CPNE1: variants seen among roughly 807,000 people sequenced by gnomAD.
CPNE1 encodes copine 1.
CPNE1 carries 58 observed loss-of-function variants against 63.2 expected under a neutral mutation model. The ratio of observed to expected loss-of-function variants is 0.92; its 90% confidence interval spans 0.74 to 1.14. The LOEUF (loss-of-function observed/expected upper bound fraction) is 1.14, where lower values mean the gene tolerates loss of function less well. Among genes scored for constraint, CPNE1 ranks in the 50% most tolerant of loss-of-function variants. CPNE1 has a pLI of 0.00. For missense variants in CPNE1, 672 were observed against 661.7 expected (o/e 1.02, Z -0.17); for synonymous variants, 237 against 249.0 (o/e 0.95, Z 0.45).
At position 35,630,474 on chromosome 20, in the gene CPNE1, G is replaced by A. The variant is rs1206138268; in HGVS notation, c.1067C>T (p.Ala356Val). The A allele has an allele frequency of 6.2e-7, 1 of 1,614,122 alleles. No homozygotes were observed. Among genetic ancestry groups the A allele is most frequent in the Admixed American group, 1.7e-5 (1 of 60,018 alleles). The change falls in exon 13 of 16, where the codon GCC becomes GTC. Residue 356 changes from alanine (A) to valine (V), a missense_variant. Physicochemically the swap from Ala to Val is moderately conservative, Grantham distance 64. Coordinates refer to ENST00000397443, the MANE Select transcript of CPNE1 (RefSeq NM_152925.3). ...GGGGTTACTGGGGTTGAAATTCAAG[G>A]CAAATTCATGCGAGACCTGGAGACA... is the stretch of plus-strand genomic sequence containing the variant. ...PPDWQVSHEFALNFNPSNPYC... is the reference protein window; with the variant it reads ...PPDWQVSHEFVLNFNPSNPYC...
At chr20:35,652,422 G>C in intron 1 of CPNE1, 1 of 1,369,652 alleles carries the variant, frequency 7.3e-7, no homozygotes, top group Non-Finnish European at 9.9e-7. Context: ...ATATGCAATT[G>C]AAACAATCCA....
chr20:35,646,795 T>A (rs1170293890), intron 1 of CPNE1, among the ~76,000 whole-genome samples: 1 of 152,172 alleles, frequency 6.6e-6, no homozygotes, highest in East Asian at 1.9e-4. Flanking sequence ...CTGAATTATG[T>A]TCTCTTGCTG....
intron 1 of CPNE1, among the ~76,000 whole-genome samples, chr20:35,638,803 AT>A (rs1868749268): frequency 2.0e-5 from 3 of 152,262 alleles, no homozygotes; most frequent in South Asian, 2.1e-4. Context: ...CAACAAAAAA[AT>A]CTATTAGTAT....
At chr20:35,648,115 T>C (rs1007271461) in intron 1 of CPNE1, among the ~76,000 whole-genome samples, 2 of 151,932 alleles carry the variant, frequency 1.3e-5, no homozygotes, top group African/African-American at 4.8e-5. Flanking sequence ...AACTTGCTTA[T>C]GTTGTTGAAT....
chr20:35,631,603 TAAAC>T (rs774096074), intron 7 of CPNE1, 25 bp from the exon 8 acceptor site: 22 of 1,611,082 alleles, frequency 1.4e-5, no homozygotes, highest in Non-Finnish European at 1.6e-5. Flanking sequence ...TGTGTGGACA[TAAAC>T]AAGCCAGGTG....
rs548473075 is a variant in CPNE1, at chr20:35,635,669, G to A, written c.1-2746C>T. On this transcript the variant is annotated intron_variant, in intron 1 of 15. Transcript: ENST00000397443. ...ACCACTCCACCAGCAGTGCACACGA[G>A]GTCAGATCTTTCACTGAGCTTCACT... Among the ~76,000 whole-genome samples the A allele has an allele frequency of 3.9e-5, 6 of 152,244 alleles. No individual in the cohort carries two copies. The South Asian group carries it at 1.2e-3, about 32-fold the overall frequency.
chr20:35,650,012 G>A (rs17426738), intron 1 of CPNE1: 6,399 of 152,702 alleles, frequency 0.042, 214 homozygotes, highest in South Asian at 0.18. Context: ...TTCGCAGGAA[G>A]AGAGGTATGA....
At chr20:35,657,407 C>A (rs1055007919) in intron 1 of CPNE1, among the ~76,000 whole-genome samples, 1 of 152,144 alleles carries the variant, frequency 6.6e-6, no homozygotes, top group Non-Finnish European at 1.5e-5. Flanking sequence ...CTTCAAAAAA[C>A]GGTTAATCAC....
chr20:35,650,124 T>C (rs1296645694), intron 1 of CPNE1: 1 of 152,580 alleles, frequency 6.6e-6, no homozygotes, highest in Non-Finnish European at 1.5e-5. Context: ...TGTTAATAAA[T>C]CTCAGATACA....
At position 35,631,933 on chromosome 20, in the gene CPNE1, G is replaced by A. The variant is rs111451577; in HGVS notation, c.537+12C>T. On this transcript the variant is annotated intron_variant, in intron 6 of 15. Coordinates refer to ENST00000397443, the MANE Select transcript of CPNE1 (RefSeq NM_152925.3). The stretch of plus-strand genomic sequence containing the variant: ...TCCTACCCCAGCCCACCCAATCCCA[G>A]GGGTCTCATACCTCAGATCTGTACA... 1 of 1,611,714 alleles carries A rather than the reference G, an allele frequency of 6.2e-7. No individual in the cohort carries two copies. The highest frequency in any genetic ancestry group is 8.5e-7 in the Non-Finnish European group (1 of 1,178,032).
chr20:35,653,491 C>T, intron 1 of CPNE1: 2 of 1,614,196 alleles, frequency 1.2e-6, no homozygotes, highest in Non-Finnish European at 1.7e-6. Context: ...AGCTTCTCTC[C>T]CATTAAGTTT....
chr20:35,639,374 T>C (rs2032673866), intron 1 of CPNE1, among the ~76,000 whole-genome samples: 1 of 152,202 alleles, frequency 6.6e-6, no homozygotes, highest in African/African-American at 2.4e-5. Flanking sequence ...TCTCACTCTG[T>C]TGCCCAGGCT....
intron 1 of CPNE1, among the ~76,000 whole-genome samples, chr20:35,634,905 A>ATTTTTT (rs56017917): frequency 8.2e-6 from 1 of 122,112 alleles, no homozygotes; most frequent in Non-Finnish European, 1.7e-5. Flanking sequence ...ACACCCAGCT[A>ATTTTTT]TTTTTTTTTT....
At chr20:35,641,638 A>G (rs1010516531) in intron 1 of CPNE1, among the ~76,000 whole-genome samples, 3 of 152,144 alleles carry the variant, frequency 2.0e-5, no homozygotes. Context: ...CGTGTTAGCT[A>G]TTATCGTTAT....
intron 1 of CPNE1, among the ~76,000 whole-genome samples, chr20:35,634,260 C>CAA (rs35273568): frequency 1.6e-4 from 14 of 85,464 alleles, no homozygotes; most frequent in Non-Finnish European, 2.7e-4. Flanking sequence ...GACTCTGTCA[C>CAA]AAAAAAAAAA....
intron 1 of CPNE1, among the ~76,000 whole-genome samples, chr20:35,644,101 A>ATTT (rs1292217926): frequency 1.3e-5 from 2 of 152,148 alleles, no homozygotes; most frequent in South Asian, 4.1e-4. Context: ...GTTATTTGTG[A>ATTT]GGATTACATG....
chr20:35,638,805 C>G (rs1011363214), intron 1 of CPNE1, among the ~76,000 whole-genome samples: 2 of 152,110 alleles, frequency 1.3e-5, no homozygotes, highest in African/African-American at 4.8e-5. Flanking sequence ...ACAAAAAAAT[C>G]TATTAGTATC....
Position 35,658,836 on chromosome 20 carries a change from CACAA to C in CPNE1, c.-1+5920_-1+5923del, listed in dbSNP as rs923124916. 2.3e-5 allele frequency: 15 copies of C among 644,878 alleles called. No individual in the cohort carries two copies. The Admixed American group carries it at 2.7e-4, about 11-fold the overall frequency. 39.9% of individuals were successfully genotyped at this position (644,878 alleles called of 1,614,324 possible). The stretch of plus-strand genomic sequence containing the variant: ...ACACACACACACACACACACACACA[CACAA>C]TATAGTTGCTACATATATTTTCATA... On this transcript the variant is annotated intron_variant, in intron 1 of 15. Transcript: ENST00000397443.
Position 35,632,373 on chromosome 20 carries a change from G to A in CPNE1, c.322C>T (p.Gln108Ter), listed in dbSNP as rs1644047180. The change falls in exon 4 of 16, where the codon CAG (glutamine) becomes TAG (stop). Residue 108 changes from glutamine (Q) to a stop codon, truncating the protein, a stop_gained. Transcript: ENST00000397443. LOFTEE classifies it high-confidence loss of function. The part of the protein sequence containing the change: ...ECSLGQIVSS[Q>*]VLTLPLMLKP... ...AGCATCAAGGGGAGAGTCAGTACCT[G>A]GCTGGACACAATCTGGGGAAAAGCA... 1 of 1,613,878 alleles carries A rather than the reference G, an allele frequency of 6.2e-7. No homozygotes were observed. Among genetic ancestry groups the A allele is most frequent in the African/African-American group, 1.3e-5 (1 of 74,866 alleles).
Sources: gnomAD v4.1 joint callset for allele counts (sites outside exome capture counted in the v4.1 genomes callset) on GRCh38, gnomAD v4.1.1 for gene constraint, MANE v1.5 for transcripts, NCBI Gene and HGNC (gene_info 2026-07-23, HGNC 2026-07-21) for gene names.